WDR12: variants seen among roughly 807,000 people sequenced by gnomAD.
WDR12 encodes WD repeat domain 12.
In WDR12, 42 loss-of-function variants were observed where a neutral mutation model predicts 64.3. The ratio of observed to expected loss-of-function variants is 0.65; its 90% confidence interval spans 0.51 to 0.84. The LOEUF is 0.84. WDR12 is among the 40% of genes least tolerant of loss of function. WDR12 has a pLI of 0.00. For missense variants in WDR12, 469 were observed against 494.6 expected (o/e 0.95, Z 0.49); for synonymous variants, 158 against 173.3 (o/e 0.91, Z 0.70).
chr2:202,882,776 C>G lies in WDR12; in HGVS notation c.1129G>C (p.Ala377Pro), dbSNP rs141746244. The G allele has an allele frequency of 4.3e-5, 69 of 1,613,752 alleles. No individual in the cohort carries two copies. The highest frequency in any genetic ancestry group is 1.6e-4 in the Middle Eastern group (1 of 6,084). The change falls in exon 12 of 13, where the codon GCT (alanine) becomes CCT (proline). Residue 377 changes from alanine to proline, a missense_variant. By Grantham distance (27) the Ala-to-Pro change is conservative. Transcript: ENST00000261015. ...VKLWDTRSCKAPLYDLAAHED... is the reference protein window; with the variant it reads ...VKLWDTRSCKPPLYDLAAHED... ...TGAGCAGCCAGATCATAGAGAGGAG[C>G]CTTACAACTAAAAGATGAAAATATT...
rs1687876287 is a variant in WDR12 at position 202,877,297 on chromosome 2, T to A, written c.*3563A>T. 1 of 152,146 alleles carries A rather than the reference T, an allele frequency of 6.6e-6. No homozygotes were observed. The highest frequency in any genetic ancestry group is 2.4e-5 in the African/African-American group (1 of 41,450). The allele number at this position is 152,146 out of a possible 1,614,324, so 9.4% of individuals were successfully genotyped here. ...AAAGAAAATATTGATCATCTTCTCA[T>A]AGAAAAGCTATGTTTTTCTACAAAG... On this transcript the variant is annotated 3_prime_UTR_variant, in exon 13 of 13. Coordinates refer to ENST00000261015, the MANE Select transcript of WDR12 (RefSeq NM_018256.4).
chr2:202,887,291 T>G (rs993410252), intron 8 of WDR12, among the ~76,000 whole-genome samples: 3 of 28,200 alleles, frequency 1.1e-4, no homozygotes, highest in Non-Finnish European at 4.5e-4. Flanking sequence ...CCCAGAGTGC[T>G]GGGGTTACAG....
In WDR12 at chr2:202,874,978, A is replaced by C. The variant is rs530153581; in HGVS notation, c.*5882T>G. ...GTCTCAGCCATGTTATTACACTTTCACCAACTATACATAGAATTGTTTGAC... is the reference window on the plus strand; with the variant it reads ...GTCTCAGCCATGTTATTACACTTTCCCCAACTATACATAGAATTGTTTGAC... On this transcript the variant is annotated 3_prime_UTR_variant, in exon 13 of 13. Transcript: ENST00000261015. The C allele has an allele frequency of 1.3e-5, 2 of 152,322 alleles. No individual in the cohort carries two copies. The highest frequency in any genetic ancestry group is 6.5e-5 in the Admixed American group (1 of 15,300). The allele number at this position is 152,322 out of a possible 1,614,324, so 9.4% of individuals were successfully genotyped here.
At chr2:202,881,255 T>C (rs528473498) in intron 12 of WDR12, among the ~76,000 whole-genome samples, 3 of 152,340 alleles carry the variant, frequency 2.0e-5, no homozygotes, top group African/African-American at 7.2e-5. Context: ...TAAAAATTTT[T>C]AAAGGACAAC....
rs1225388558 is a variant in WDR12 at position 202,877,104 on chromosome 2, AT to A, written c.*3755del. On this transcript the variant is annotated 3_prime_UTR_variant, in exon 13 of 13. Transcript: ENST00000261015. ...TATCAGAAATTCCCAGATGGTATAT[AT>A]ATATATATATTTTTTTTTTTGCAGG... The A allele has an allele frequency of 1.5e-4, 12 of 81,634 alleles. No homozygotes were observed. Among genetic ancestry groups the A allele is most frequent in the African/African-American group, 4.2e-4 (12 of 28,712 alleles). The allele number at this position is 81,634 out of a possible 1,614,324, so 5.1% of individuals were successfully genotyped here.
rs1454466927 is a variant in WDR12, at chr2:202,877,983, T to C, written c.*2877A>G. 2 of 152,212 alleles carry C rather than the reference T, an allele frequency of 1.3e-5. No individual in the cohort carries two copies. Among genetic ancestry groups the C allele is most frequent in the African/African-American group, 4.8e-5 (2 of 41,460 alleles). The allele number at this position is 152,212 out of a possible 1,614,324, so 9.4% of individuals were successfully genotyped here. On this transcript the variant is annotated 3_prime_UTR_variant, in exon 13 of 13. Transcript: ENST00000261015. ...GAGGACTGAATAGTCTAGGCATGTA[T>C]TGACCTCTCATATTCCTTCTGTTCA... is the stretch of plus-strand genomic sequence containing the variant.
intron 2 of WDR12, among the ~76,000 whole-genome samples, chr2:202,903,493 A>G (rs868256339): frequency 1.6e-4 from 11 of 69,678 alleles, no homozygotes; most frequent in Admixed American, 2.7e-4. Context: ...GGAAGGAAGG[A>G]AGGAAGGAAG....
intron 12 of WDR12, among the ~76,000 whole-genome samples, chr2:202,882,394 T>G (rs1240381293): frequency 6.6e-6 from 1 of 152,086 alleles, no homozygotes; most frequent in Non-Finnish European, 1.5e-5. Context: ...AGTGGCTCGA[T>G]CTCAGCTCAC....
intron 2 of WDR12, among the ~76,000 whole-genome samples, chr2:202,902,817 G>A (rs1574410098): frequency 1.3e-5 from 2 of 152,046 alleles, no homozygotes; most frequent in Non-Finnish European, 1.5e-5. Context: ...ACTCCCTCTC[G>A]GCTGTGCGCA....
At chr2:202,904,074 G>A (rs540321074) in intron 2 of WDR12, among the ~76,000 whole-genome samples, 4 of 146,964 alleles carry the variant, frequency 2.7e-5, no homozygotes, top group African/African-American at 7.6e-5. Flanking sequence ...GGAGGTGGAG[G>A]TCGCCATGAG....
Position 202,876,358 on chromosome 2 carries a change from A to G in WDR12, c.*4502T>C, listed in dbSNP as rs1357866939. 3 of 152,178 alleles carry G rather than the reference A, an allele frequency of 2.0e-5. No individual in the cohort carries two copies. Among genetic ancestry groups the G allele is most frequent in the African/African-American group, 4.8e-5 (2 of 41,450 alleles). The allele number at this position is 152,178 out of a possible 1,614,324, so 9.4% of individuals were successfully genotyped here. On this transcript the variant is annotated 3_prime_UTR_variant, in exon 13 of 13. Transcript: ENST00000261015. ...TGGCAGAGCTAGACTATGTCTCGTA[A>G]AAAGAGATATATTTGGTTCATATAA...
chr2:202,896,932 A>G (rs1372713935), intron 5 of WDR12, among the ~76,000 whole-genome samples: 1 of 152,184 alleles, frequency 6.6e-6, no homozygotes, highest in African/African-American at 2.4e-5. Flanking sequence ...TGTTGCAGTG[A>G]GCCGAGATCA....
chr2:202,903,259 A>G (rs901084880), intron 2 of WDR12, among the ~76,000 whole-genome samples: 14 of 152,158 alleles, frequency 9.2e-5, no homozygotes, highest in African/African-American at 3.1e-4. Context: ...TTCATGATAA[A>G]AGCCCTCAAA....
intron 8 of WDR12, 135 bp downstream of exon 8, chr2:202,892,482 G>GA: frequency 2.0e-6 from 1 of 509,920 alleles, no homozygotes. Context: ...CAAGTCTACT[G>GA]AAAAAAAGGA....
In WDR12 at chr2:202,884,197, C is replaced by T; in HGVS notation, c.988+1G>A. On this transcript the variant is annotated splice_donor_variant, in intron 10 of 12. Coordinates refer to ENST00000261015, the MANE Select transcript of WDR12 (RefSeq NM_018256.4). LOFTEE classifies it high-confidence loss of function. ...TTCCCCCAGTGGTTTACATGACTCA[C>T]CTTTAGTTCGGGGATCCCACAGTCT... is the stretch of plus-strand genomic sequence containing the variant. 6.2e-7 allele frequency: 1 copy of T among 1,612,156 alleles called. No individual in the cohort carries two copies. The highest frequency in any genetic ancestry group is 8.5e-7 in the Non-Finnish European group (1 of 1,179,492).
chr2:202,882,805 ATAT>A (rs915745829), intron 11 of WDR12, 22 bp from the exon 12 acceptor site: 55 of 1,603,052 alleles, frequency 3.4e-5, no homozygotes, highest in Non-Finnish European at 4.7e-5. Flanking sequence ...AAATATTAAC[ATAT>A]TATATGCATT....
At chr2:202,885,888 C>T (rs548788371) in intron 8 of WDR12, among the ~76,000 whole-genome samples, 1 of 151,950 alleles carries the variant, frequency 6.6e-6, no homozygotes, top group Admixed American at 6.6e-5. Context: ...AGTAAGACCC[C>T]GTCTCTACTA....
At chr2:202,885,668 T>A (rs1688031758) in intron 8 of WDR12, among the ~76,000 whole-genome samples, 2 of 152,216 alleles carry the variant, frequency 1.3e-5, no homozygotes, top group African/African-American at 4.8e-5. Flanking sequence ...ACAGTTCACT[T>A]ATTAATACTC....
Position 202,875,103 on chromosome 2 carries a change from T to C in WDR12, c.*5757A>G, listed in dbSNP as rs958765584. 6.6e-6 allele frequency: 1 copy of C among 152,204 alleles called. No homozygotes were observed. The highest frequency in any genetic ancestry group is 2.4e-5 in the African/African-American group (1 of 41,470). The allele number at this position is 152,204 out of a possible 1,614,324, so 9.4% of individuals were successfully genotyped here. On this transcript the variant is annotated 3_prime_UTR_variant, in exon 13 of 13. Coordinates refer to ENST00000261015, the MANE Select transcript of WDR12 (RefSeq NM_018256.4). ...CGCACAGCTCCATTAATTGGTTACATACCTTCACACTAGGTACTTAACCTG... is the reference window on the plus strand; with the variant it reads ...CGCACAGCTCCATTAATTGGTTACACACCTTCACACTAGGTACTTAACCTG...
Sources: gnomAD v4.1 joint callset for allele counts (sites outside exome capture counted in the v4.1 genomes callset) on GRCh38, gnomAD v4.1.1 for gene constraint, MANE v1.5 for transcripts, NCBI Gene and HGNC (gene_info 2026-07-23, HGNC 2026-07-21) for gene names.